The following SCLT1 variants were observed in gnomAD, a reference collection of about 807,000 sequenced individuals.
SCLT1 encodes the protein sodium channel-associated protein 1.
Under a neutral mutation model 112.8 loss-of-function variants are expected in SCLT1, and 78 were observed. The observed-to-expected ratio is 0.69, with a 90% confidence interval of 0.58 to 0.83. The LOEUF is 0.83. SCLT1 is among the 40% of genes least tolerant of loss of function. The pLI, the probability that SCLT1 is intolerant of heterozygous loss-of-function variation, is 0.00. For missense variants in SCLT1, 747 were observed against 770.4 expected, an observed-to-expected ratio of 0.97 and a Z score of 0.36; for synonymous variants, 257 against 254.7, an observed-to-expected ratio of 1.01 and a Z score of -0.09.
At chr4:128,900,258 G>A (rs1236630950) in intron 18 of SCLT1, among the ~76,000 whole-genome samples, 2 of 152,144 alleles carry the variant, frequency 1.3e-5, no homozygotes, top group African/African-American at 2.4e-5. Context: ...GAGGCATCAT[G>A]CTACTTGACT....
At chr4:129,041,356 G>A (rs1040690545) in intron 4 of SCLT1, among the ~76,000 whole-genome samples, 6 of 152,042 alleles carry the variant, frequency 3.9e-5, no homozygotes, top group African/African-American at 1.4e-4. Context: ...TTTGACATTT[G>A]GGTCTAAAGG....
intron 18 of SCLT1, among the ~76,000 whole-genome samples, chr4:128,913,114 T>C (rs528703323): frequency 1.1e-4 from 16 of 152,248 alleles, no homozygotes; most frequent in Non-Finnish European, 1.8e-4. Flanking sequence ...TCTATTTGTT[T>C]CTCTCAGGGT....
chr4:129,012,697 T>C (rs1425384921), intron 5 of SCLT1, among the ~76,000 whole-genome samples: 1 of 152,162 alleles, frequency 6.6e-6, no homozygotes, highest in Admixed American at 6.5e-5. Flanking sequence ...CAAATCTGCG[T>C]GCTCCTGTGT....
At chr4:128,945,119 G>T (rs912172144) in intron 16 of SCLT1, among the ~76,000 whole-genome samples, 1 of 152,050 alleles carries the variant, frequency 6.6e-6, no homozygotes, top group Non-Finnish European at 1.5e-5. Context: ...AGAAGACTTC[G>T]ATATCTCCTT....
chr4:129,009,254 G>A (rs932438143), intron 5 of SCLT1, among the ~76,000 whole-genome samples: 3 of 152,074 alleles, frequency 2.0e-5, no homozygotes, highest in African/African-American at 7.2e-5. Context: ...GGTGGCTCAC[G>A]CCTATAATCC....
At chr4:128,989,651 A>G (rs558858216) in intron 9 of SCLT1, among the ~76,000 whole-genome samples, 1 of 151,878 alleles carries the variant, frequency 6.6e-6, no homozygotes, top group Admixed American at 6.6e-5. Flanking sequence ...CAGACTAAAA[A>G]ATACAAAAGA....
At chr4:128,985,181 A>G (rs1288308564) in intron 9 of SCLT1, among the ~76,000 whole-genome samples, 3 of 152,152 alleles carry the variant, frequency 2.0e-5, no homozygotes, top group Non-Finnish European at 2.9e-5. Flanking sequence ...CACAGAGACA[A>G]TCATTAACTT....
chr4:128,933,874 T>C (rs1412703306), intron 18 of SCLT1, among the ~76,000 whole-genome samples: 1 of 152,028 alleles, frequency 6.6e-6, no homozygotes, highest in Non-Finnish European at 1.5e-5. Context: ...TGAATATTAT[T>C]TCTAACAATA....
At chr4:129,058,789 A>C (rs1443481663) in intron 2 of SCLT1, among the ~76,000 whole-genome samples, 1 of 152,122 alleles carries the variant, frequency 6.6e-6, no homozygotes, top group Non-Finnish European at 1.5e-5. Flanking sequence ...TCCAATGCTG[A>C]GAGTGGGGTG....
At chr4:129,021,243 T>C (rs566518149) in intron 5 of SCLT1, among the ~76,000 whole-genome samples, 3 of 152,170 alleles carry the variant, frequency 2.0e-5, no homozygotes, top group African/African-American at 7.2e-5. Flanking sequence ...ATCAGGAGAT[T>C]CCCCCGTGTG....
chr4:129,076,546 G>T (rs1751478080), intron 2 of SCLT1, among the ~76,000 whole-genome samples: 1 of 152,028 alleles, frequency 6.6e-6, no homozygotes, highest in Non-Finnish European at 1.5e-5. Flanking sequence ...CTTATTTTTA[G>T]TATTCCATTC....
intron 2 of SCLT1, among the ~76,000 whole-genome samples, chr4:129,058,594 C>T (rs1018376729): frequency 1.3e-5 from 2 of 151,998 alleles, no homozygotes; most frequent in South Asian, 2.1e-4. Context: ...ATATTTTAAT[C>T]GTTTTAATTT....
chr4:129,077,479 ATATTTG>A (rs1751565478), intron 2 of SCLT1, among the ~76,000 whole-genome samples: 1 of 152,154 alleles, frequency 6.6e-6, no homozygotes, highest in South Asian at 2.1e-4. Flanking sequence ...GACTTTCACT[ATATTTG>A]ACACATAAGA....
At chr4:129,030,043 T>C (rs1463111230) in intron 5 of SCLT1, among the ~76,000 whole-genome samples, 1 of 152,078 alleles carries the variant, frequency 6.6e-6, no homozygotes, top group African/African-American at 2.4e-5. Flanking sequence ...TATTCTAAAA[T>C]AGGCTACATA....
chr4:128,886,362 T>G lies in SCLT1; in HGVS notation c.2005-1823A>C, dbSNP rs570806414. Among the ~76,000 whole-genome samples, 9 of 152,240 alleles carry G rather than the reference T, an allele frequency of 5.9e-5. No individual in the cohort carries two copies. The South Asian group carries it at 1.7e-3, about 28-fold the overall frequency. ...TATGGTAAGTGTGATGTGTCAGAGA[T>G]GATAATAATTTTTAAATTTTCTTCA... On this transcript the variant is annotated intron_variant, in intron 20 of 20. Coordinates refer to ENST00000281142, the MANE Select transcript of SCLT1 (RefSeq NM_144643.4).
In SCLT1 at chr4:129,068,187, A is replaced by G. The variant is rs140693903; in HGVS notation, c.102+14119T>C. Among the ~76,000 whole-genome samples, 470 of 152,252 alleles carry G rather than the reference A, an allele frequency of 3.1e-3. 2 individuals carry two copies. Among genetic ancestry groups the G allele is most frequent in the Non-Finnish European group, 5.2e-3 (353 of 68,010 alleles). On this transcript the variant is annotated intron_variant, in intron 2 of 20. Transcript: ENST00000281142. ...CATTAATTCATTCCTTTTCAAGGAT[A>G]AGTAGTATTCCATCACATATATATG...
At chr4:129,061,116 A>ACT (rs1749926190) in intron 2 of SCLT1, among the ~76,000 whole-genome samples, 1 of 152,166 alleles carries the variant, frequency 6.6e-6, no homozygotes, top group Non-Finnish European at 1.5e-5. Flanking sequence ...TTGAGCCAGT[A>ACT]GAGTTCAGTG....
intron 18 of SCLT1, among the ~76,000 whole-genome samples, chr4:128,916,690 G>A (rs191042477): frequency 2.1e-4 from 32 of 152,196 alleles, no homozygotes; most frequent in Middle Eastern, 3.4e-3. Flanking sequence ...TTCATCTACC[G>A]TTTCAACACA....
At chr4:128,963,060 A>G (rs1739877850) in intron 11 of SCLT1, among the ~76,000 whole-genome samples, 2 of 152,170 alleles carry the variant, frequency 1.3e-5, no homozygotes, top group African/African-American at 2.4e-5. Context: ...TTCTTTAGTA[A>G]ATATGGGTGA....
Sources: gnomAD v4.1 joint callset for allele counts (sites outside exome capture counted in the v4.1 genomes callset) on GRCh38, gnomAD v4.1.1 for gene constraint, MANE v1.5 for transcripts, NCBI Gene and HGNC (gene_info 2026-07-23, HGNC 2026-07-21) for gene names.